PLD5: variants seen among roughly 807,000 people sequenced by gnomAD.
PLD5 encodes the protein inactive phospholipase D5.
In PLD5, 36 loss-of-function variants were observed where a neutral mutation model predicts 61.1. The ratio of observed to expected loss-of-function variants is 0.59; its 90% CI spans 0.45 to 0.78. PLD5 has a LOEUF of 0.78. Ranked by LOEUF, PLD5 falls within the 30% of genes least tolerant of loss-of-function variation. The pLI is 0.00. For synonymous variants in PLD5, 243 were observed against 242.8 expected, an observed-to-expected ratio of 1.00 and a Z score of -0.01; for missense variants, 515 against 644.4, an observed-to-expected ratio of 0.80 and a Z score of 2.17.
intron 4 of PLD5, among the ~76,000 whole-genome samples, chr1:242,257,337 G>A (rs1673126599): frequency 6.6e-6 from 1 of 152,176 alleles, no homozygotes; most frequent in Admixed American, 6.5e-5. Flanking sequence ...CTGTGTGCAG[G>A]AGAGAAGGGA....
intron 3 of PLD5, among the ~76,000 whole-genome samples, chr1:242,268,070 A>G (rs1041837305): frequency 2.0e-5 from 3 of 152,124 alleles, no homozygotes; most frequent in African/African-American, 7.2e-5. Context: ...GCTCAGGTAC[A>G]GGATGTGAGG....
rs60806940 is a variant in PLD5, at chr1:242,257,084, C to CT, written c.607+8252_607+8253insA. On this transcript the variant is annotated intron_variant, in intron 4 of 9. Coordinates refer to ENST00000536534, the MANE Select transcript of PLD5 (RefSeq NM_001372062.1). ...TCTATCTATCTATCTATCTATCTATCATTTATCTATATCTTTCTATCTGTC... is the reference window on the plus strand; with the variant it reads ...TCTATCTATCTATCTATCTATCTATCTATTTATCTATATCTTTCTATCTGTC... Among the ~76,000 whole-genome samples the CT allele has an allele frequency of 4.8e-3, 712 of 149,242 alleles. 8 individuals carry two copies. Among genetic ancestry groups the CT allele is most frequent in the African/African-American group, 0.016 (662 of 40,578 alleles).
intron 5 of PLD5, among the ~76,000 whole-genome samples, chr1:242,162,632 T>C (rs1433703056): frequency 6.6e-6 from 1 of 152,182 alleles, no homozygotes; most frequent in African/African-American, 2.4e-5. Flanking sequence ...AGAATGTTAC[T>C]GTATGTGTGG....
the PLD5 span, among the ~76,000 whole-genome samples, chr1:242,529,799 C>CTTCT: frequency 2.1e-5 from 3 of 144,962 alleles, no homozygotes; most frequent in South Asian, 2.4e-4. Context: ...TCCTTCCTTC[C>CTTCT]TTCCTTCCTT....
At chr1:242,215,780 A>C (rs144820982) in intron 5 of PLD5, among the ~76,000 whole-genome samples, 1 of 152,218 alleles carries the variant, frequency 6.6e-6, no homozygotes, top group South Asian at 2.1e-4. Flanking sequence ...AATGCTGAAG[A>C]AGACAAGTCA....
At chr1:242,524,863 C>T (rs1411339617), upstream of PLD5, among the ~76,000 whole-genome samples, 1 of 151,864 alleles carries the variant, frequency 6.6e-6, no homozygotes, top group Non-Finnish European at 1.5e-5. Context: ...CCGCTCCGCA[C>T]CCGCCTTTCC....
chr1:242,250,300 T>C (rs1393667267), intron 4 of PLD5, among the ~76,000 whole-genome samples: 5 of 149,120 alleles, frequency 3.4e-5, no homozygotes, highest in Admixed American at 2.6e-4. Context: ...CACATGTCAG[T>C]CAAGTCTCCA....
chr1:242,435,900 A>G (rs1393627815), intron 1 of PLD5, among the ~76,000 whole-genome samples: 1 of 152,226 alleles, frequency 6.6e-6, no homozygotes, highest in East Asian at 1.9e-4. Flanking sequence ...CACAGAAACC[A>G]ACCCAGAAAG....
intron 2 of PLD5, among the ~76,000 whole-genome samples, chr1:242,306,813 CT>C (rs34920004): frequency 2.0e-5 from 3 of 150,502 alleles, no homozygotes; most frequent in Non-Finnish European, 4.4e-5. Context: ...CAAACAAACT[CT>C]TTGTAGGTAC....
At chr1:242,289,443 G>T (rs1298202808) in intron 2 of PLD5, among the ~76,000 whole-genome samples, 1 of 152,148 alleles carries the variant, frequency 6.6e-6, no homozygotes, top group African/African-American at 2.4e-5. Context: ...CCGCCTCCCA[G>T]GTTCAAGCAG....
intron 3 of PLD5, among the ~76,000 whole-genome samples, chr1:242,283,549 T>C (rs981042559): frequency 3.9e-5 from 6 of 152,214 alleles, no homozygotes. Context: ...TAAAAAAATA[T>C]TATCTTTAAA....
rs71570946 is a variant in PLD5, at chr1:242,256,747, CATCTATCT to C, written c.607+8582_607+8589del. Among the ~76,000 whole-genome samples the C allele has an allele frequency of 0.15, 22,075 of 148,158 alleles. 1,784 individuals carry two copies. Among genetic ancestry groups the C allele is most frequent in the East Asian group, 0.24 (1,203 of 4,964 alleles). ...AGCAGCACAAATGAACTAAGACTAT[CATCTATCT>C]ATCTATCTATCTATCTATCTATCTA... On this transcript the variant is annotated intron_variant, in intron 4 of 9. Coordinates refer to ENST00000536534, the MANE Select transcript of PLD5 (RefSeq NM_001372062.1). This position sits in a 1 kb window ranked among gnomAD's most constrained non-coding sequence, Gnocchi z 5.7.
chr1:242,111,078 C>T (rs559309394), intron 7 of PLD5, among the ~76,000 whole-genome samples: 85 of 138,468 alleles, frequency 6.1e-4, no homozygotes, highest in African/African-American at 2.1e-3. Context: ...TTTTTTTAAA[C>T]GGAGTTTCAC....
chr1:242,126,385 G>T (rs146739104), intron 5 of PLD5, among the ~76,000 whole-genome samples: 1 of 152,258 alleles, frequency 6.6e-6, no homozygotes, highest in African/African-American at 2.4e-5. Flanking sequence ...AAATCTGGAG[G>T]CATCACATTA....
In PLD5 at chr1:242,359,810, A is replaced by C. The variant is rs188693126; in HGVS notation, c.190-11568T>G. ...TAAAGTACTTAAAGCAATACATAGA[A>C]GATAGATAGCAGTAAATGAGTCTTT... is the stretch of plus-strand genomic sequence containing the variant. On this transcript the variant is annotated intron_variant, in intron 1 of 9. Coordinates refer to ENST00000536534, the MANE Select transcript of PLD5 (RefSeq NM_001372062.1). Among the ~76,000 whole-genome samples the C allele has an allele frequency of 9.1e-3, 1,385 of 152,314 alleles. 9 individuals are homozygous for C. Among genetic ancestry groups the C allele is most frequent in the Non-Finnish European group, 0.014 (959 of 68,026 alleles).
intron 5 of PLD5, among the ~76,000 whole-genome samples, chr1:242,200,233 C>T (rs1405747112): frequency 6.6e-6 from 1 of 152,200 alleles, no homozygotes; most frequent in Non-Finnish European, 1.5e-5. Flanking sequence ...TACCTGAATT[C>T]CAAAATGCCT....
At chr1:242,236,219 C>T (rs916953926) in intron 4 of PLD5, among the ~76,000 whole-genome samples, 4 of 152,174 alleles carry the variant, frequency 2.6e-5, no homozygotes, top group African/African-American at 9.7e-5. Flanking sequence ...GACTTTCCAG[C>T]CTCCTGAACT....
rs749957578 is a variant in PLD5, at chr1:242,116,941, C to T, written c.934-2915G>A. 4.6e-5 allele frequency among the ~76,000 whole-genome samples: 7 copies of T among 152,158 alleles called. No homozygotes were observed. The East Asian group carries it at 7.7e-4, about 17-fold the overall frequency. On this transcript the variant is annotated intron_variant, in intron 6 of 9. Coordinates refer to ENST00000536534, the MANE Select transcript of PLD5 (RefSeq NM_001372062.1). ...CTCCATCTGTCACCAAGATAGAAAGCGTGTGCCTCTGCAGGGTTTCCTGGG... is the reference window on the plus strand; with the variant it reads ...CTCCATCTGTCACCAAGATAGAAAGTGTGTGCCTCTGCAGGGTTTCCTGGG...
chr1:242,307,176 A>G (rs967168559), intron 2 of PLD5, among the ~76,000 whole-genome samples: 4 of 152,202 alleles, frequency 2.6e-5, no homozygotes, highest in African/African-American at 4.8e-5. Flanking sequence ...GGAGCTGAAC[A>G]ACTTCCAGAT....
Sources: allele counts gnomAD v4.1 joint callset (sites outside exome capture counted in the v4.1 genomes callset), GRCh38; gene constraint gnomAD v4.1.1; non-coding constraint Gnocchi (gnomAD v3.1); transcripts MANE v1.5; gene names NCBI Gene and HGNC (gene_info 2026-07-23, HGNC 2026-07-21).